The following FSHR variants were observed in gnomAD, a reference collection of about 807,000 sequenced individuals.
The protein encoded by FSHR is follicle stimulating hormone receptor.
A neutral mutation model predicts 52.1 loss-of-function variants in FSHR; 46 were observed. The observed-to-expected ratio is 0.88, with a 90% CI of 0.70 to 1.13. The LOEUF is 1.13. FSHR is among the 50% of genes most tolerant of loss of function. The pLI is 0.00. For missense variants in FSHR, 964 were observed against 834.6 expected, an observed-to-expected ratio of 1.16 and a Z score of -1.91; for synonymous variants, 399 against 309.6, an observed-to-expected ratio of 1.29 and a Z score of -3.03.
At chr2:49,149,735 G>C (rs185561602) in intron 1 of FSHR, among the ~76,000 whole-genome samples, 2 of 152,030 alleles carry the variant, frequency 1.3e-5, no homozygotes, top group East Asian at 3.9e-4. Context: ...ATGGAATATG[G>C]AGATCTAAAC....
rs115060466 is a variant in FSHR at position 49,036,944 on chromosome 2, C to T, written c.225-16784G>A. On this transcript the variant is annotated intron_variant, in intron 2 of 9. Coordinates refer to ENST00000406846, the MANE Select transcript of FSHR (RefSeq NM_000145.4). Reference sequence around the variant, plus strand: ...AACTCCATCTTCAACATGATCAGAACGCTGAGCATGCATTGAAGCAAAAAA... The same window carrying T: ...AACTCCATCTTCAACATGATCAGAATGCTGAGCATGCATTGAAGCAAAAAA... Among the ~76,000 whole-genome samples, 626 of 152,260 alleles carry T rather than the reference C, an allele frequency of 4.1e-3. 1 individual carries two copies. Among genetic ancestry groups the T allele is most frequent in the African/African-American group, 0.014 (568 of 41,560 alleles).
chr2:49,138,481 C>T (rs1366622150), intron 1 of FSHR, among the ~76,000 whole-genome samples: 5 of 152,092 alleles, frequency 3.3e-5, no homozygotes, highest in Admixed American at 6.5e-5. Flanking sequence ...AATGGATAAA[C>T]GAAATGTGGC....
At chr2:49,103,076 A>T (rs1671092168) in intron 1 of FSHR, among the ~76,000 whole-genome samples, 1 of 152,142 alleles carries the variant, frequency 6.6e-6, no homozygotes, top group East Asian at 1.9e-4. Context: ...TATGTATTGT[A>T]TGTATATCTG....
At chr2:49,085,825 A>G (rs1670363488) in intron 1 of FSHR, among the ~76,000 whole-genome samples, 1 of 152,042 alleles carries the variant, frequency 6.6e-6, no homozygotes, top group South Asian at 2.1e-4. Context: ...GGACATGGAT[A>G]AAGCTGGAAA....
At chr2:49,099,419 T>C (rs569464365) in intron 1 of FSHR, among the ~76,000 whole-genome samples, 1 of 152,096 alleles carries the variant, frequency 6.6e-6, no homozygotes, top group Non-Finnish European at 1.5e-5. Context: ...GAACTGTAAG[T>C]CCATTAAACC....
At chr2:49,043,663 A>T (rs1266367663) in intron 2 of FSHR, among the ~76,000 whole-genome samples, 1 of 152,194 alleles carries the variant, frequency 6.6e-6, no homozygotes, top group African/African-American at 2.4e-5. Context: ...GCATAAAAAA[A>T]CCAAATGTTC....
intron 2 of FSHR, among the ~76,000 whole-genome samples, chr2:49,036,941 G>C (rs1167853755): frequency 1.3e-5 from 2 of 152,156 alleles, no homozygotes; most frequent in Admixed American, 1.3e-4. Flanking sequence ...AACATGATCA[G>C]AACGCTGAGC....
intron 6 of FSHR, among the ~76,000 whole-genome samples, chr2:48,984,561 C>A (rs1052658776): frequency 2.1e-4 from 32 of 149,754 alleles, no homozygotes; most frequent in African/African-American, 7.1e-4. Flanking sequence ...TTTTATTGAC[C>A]AAATTCAAAG....
chr2:49,047,867 G>C (rs1362717171), intron 2 of FSHR, among the ~76,000 whole-genome samples: 1 of 152,042 alleles, frequency 6.6e-6, no homozygotes, highest in African/African-American at 2.4e-5. Flanking sequence ...CAAAACTTCA[G>C]GTTGTACAGC....
chr2:49,080,937 A>G (rs1279523797), intron 1 of FSHR, among the ~76,000 whole-genome samples: 1 of 152,162 alleles, frequency 6.6e-6, no homozygotes, highest in Non-Finnish European at 1.5e-5. Flanking sequence ...GACATCCACT[A>G]CACTGCAGAG....
chr2:49,049,019 T>C (rs1668759536), intron 2 of FSHR, among the ~76,000 whole-genome samples: 1 of 152,270 alleles, frequency 6.6e-6, no homozygotes, highest in South Asian at 2.1e-4. Flanking sequence ...CATGCATTGA[T>C]TGCAGCTTAC....
chr2:49,092,471 T>C (rs776287928), intron 1 of FSHR, among the ~76,000 whole-genome samples: 1 of 152,222 alleles, frequency 6.6e-6, no homozygotes, highest in Non-Finnish European at 1.5e-5. Flanking sequence ...GTATGGTGTT[T>C]GTGGTAAATG....
rs375603115 is a variant in FSHR at position 49,017,582 on chromosome 2, C to T, written c.300-19G>A. The T allele has an allele frequency of 2.5e-6, 4 of 1,574,620 alleles. No homozygotes were observed. Among genetic ancestry groups the T allele is most frequent in the Non-Finnish European group, 3.5e-6 (4 of 1,144,586 alleles). On this transcript the variant is annotated intron_variant, in intron 3 of 9. Coordinates refer to ENST00000406846, the MANE Select transcript of FSHR (RefSeq NM_000145.4). ...AATTCTACTGTAAAAGAAGAAAAAA[C>T]ATGCTAGTGATCTTGATGGTAAGGA...
chr2:49,017,374 C>A (rs751543999), intron 4 of FSHR, 115 bp downstream of exon 4: 20 of 765,804 alleles, frequency 2.6e-5, no homozygotes, highest in Non-Finnish European at 1.3e-5. Flanking sequence ...TTCTGCCCCC[C>A]ACCACCATCC....
At chr2:49,027,850 CAAAAAAAAAAA>C (rs397868435) in intron 2 of FSHR, among the ~76,000 whole-genome samples, 2 of 49,974 alleles carry the variant, frequency 4.0e-5, no homozygotes, top group African/African-American at 1.4e-4. Flanking sequence ...ACTCTTTCTC[CAAAAAAAAAAA>C]AAAAAAAAAA....
intron 2 of FSHR, among the ~76,000 whole-genome samples, chr2:49,023,853 G>C (rs1169726117): frequency 6.6e-6 from 1 of 152,146 alleles, no homozygotes; most frequent in Admixed American, 6.5e-5. Context: ...TGAGGTACTG[G>C]GGGTTATCAA....
intron 1 of FSHR, among the ~76,000 whole-genome samples, chr2:49,144,599 TTAAAA>T (rs1263955937): frequency 1.3e-5 from 2 of 152,186 alleles, no homozygotes; most frequent in Middle Eastern, 3.2e-3. Context: ...GTTTTCTAAC[TTAAAA>T]TAATGTTTCT....
At chr2:49,152,276 C>A (rs1266479119) in intron 1 of FSHR, among the ~76,000 whole-genome samples, 3 of 152,114 alleles carry the variant, frequency 2.0e-5, no homozygotes, top group Non-Finnish European at 4.4e-5. Flanking sequence ...TTCTGGTGCT[C>A]TGTTCATCAC....
intron 1 of FSHR, among the ~76,000 whole-genome samples, chr2:49,104,400 C>T (rs958938016): frequency 2.6e-5 from 4 of 152,040 alleles, no homozygotes; most frequent in African/African-American, 9.7e-5. Context: ...TTCCTTTGTT[C>T]GGTCAGAGTT....
Sources: gnomAD v4.1 joint callset for allele counts (sites outside exome capture counted in the v4.1 genomes callset) on GRCh38, gnomAD v4.1.1 for gene constraint, MANE v1.5 for transcripts, NCBI Gene and HGNC (gene_info 2026-07-23, HGNC 2026-07-21) for gene names.